Variants in ST8SIA6 observed in about 807,000 individuals in gnomAD.
ST8SIA6 encodes alpha-2,8-sialyltransferase 8F.
In ST8SIA6, 39 loss-of-function variants were observed where a neutral mutation model predicts 33.6. The observed-to-expected ratio is 1.16, with a 90% CI of 0.90 to 1.52. ST8SIA6 has a LOEUF of 1.52. Ranked by LOEUF, ST8SIA6 falls within the 40% of genes most tolerant of loss-of-function variation. The probability of loss-of-function intolerance (pLI) is 0.00; values close to 1 mark genes in which losing one functional copy is unlikely to be tolerated. For synonymous variants in ST8SIA6, 172 were observed against 167.2 expected (o/e 1.03, Z -0.22); for missense variants, 441 against 443.8 (o/e 0.99, Z 0.06).
chr10:17,438,897 ACT>A (rs1429643408), intron 2 of ST8SIA6, among the ~76,000 whole-genome samples: 2 of 152,118 alleles, frequency 1.3e-5, no homozygotes, highest in African/African-American at 4.8e-5. Flanking sequence ...TGTTAGAATA[ACT>A]CTTACCTTTT....
chr10:17,388,947 T>C (rs1275066569), intron 3 of ST8SIA6, among the ~76,000 whole-genome samples: 1 of 152,168 alleles, frequency 6.6e-6, no homozygotes, highest in African/African-American at 2.4e-5. Flanking sequence ...CTCCCCATGT[T>C]GCTCCTGGGG....
intron 4 of ST8SIA6, among the ~76,000 whole-genome samples, chr10:17,348,106 C>T (rs115789370): frequency 0.015 from 2,325 of 151,112 alleles, 64 homozygotes; most frequent in African/African-American, 0.053. Context: ...TAGGTCACTG[C>T]TATTATTGTT....
At chr10:17,357,962 T>C (rs966699165) in intron 4 of ST8SIA6, among the ~76,000 whole-genome samples, 3 of 152,244 alleles carry the variant, frequency 2.0e-5, no homozygotes, top group Admixed American at 2.0e-4. Flanking sequence ...ATTTAGGTTA[T>C]GATTGTGCAA....
intron 4 of ST8SIA6, among the ~76,000 whole-genome samples, chr10:17,353,202 CACTT>C (rs1183372440): frequency 7.0e-6 from 1 of 143,132 alleles, no homozygotes; most frequent in Non-Finnish European, 1.5e-5. Context: ...GCTCACAAAA[CACTT>C]ACCAAAGTCA....
intron 2 of ST8SIA6, among the ~76,000 whole-genome samples, chr10:17,434,616 G>A (rs562676354): frequency 4.6e-5 from 7 of 152,238 alleles, no homozygotes; most frequent in Non-Finnish European, 8.8e-5. Flanking sequence ...GAAACTCAGG[G>A]TGAATGAGGC....
At chr10:17,385,028 T>TTTG (rs1850283203) in intron 3 of ST8SIA6, among the ~76,000 whole-genome samples, 2 of 150,950 alleles carry the variant, frequency 1.3e-5, no homozygotes, top group Non-Finnish European at 3.0e-5. Context: ...TTGTTTGTTT[T>TTTG]TTTGTAAAAT....
At chr10:17,423,349 G>A (rs759627191) in intron 2 of ST8SIA6, among the ~76,000 whole-genome samples, 8 of 152,066 alleles carry the variant, frequency 5.3e-5, no homozygotes, top group African/African-American at 1.7e-4. Context: ...ATCTGTTTTC[G>A]TAGCATCTTA....
rs1847907838 is a variant in ST8SIA6 at position 17,320,508 on chromosome 10, C to G, written c.*370G>C. On this transcript the variant is annotated 3_prime_UTR_variant, in exon 8 of 8. Coordinates refer to ENST00000377602, the MANE Select transcript of ST8SIA6 (RefSeq NM_001004470.3). Reference sequence around the variant, plus strand: ...TGGATACTGGTAATGCAGCTATTCTCTTTAGAAGAGATCTCCAAGAAAGCA... The same window carrying G: ...TGGATACTGGTAATGCAGCTATTCTGTTTAGAAGAGATCTCCAAGAAAGCA... 4.4e-6 allele frequency: 1 copy of G among 226,550 alleles called. No individual in the cohort carries two copies. Among genetic ancestry groups the G allele is most frequent in the Non-Finnish European group, 8.7e-6 (1 of 114,794 alleles). 14.0% of individuals were successfully genotyped at this position (226,550 alleles called of 1,614,324 possible).
intron 2 of ST8SIA6, among the ~76,000 whole-genome samples, chr10:17,432,840 C>G (rs1317375004): frequency 6.6e-6 from 1 of 152,226 alleles, no homozygotes; most frequent in African/African-American, 2.4e-5. Flanking sequence ...AGCGGCCATA[C>G]TTCAACGACT....
At chr10:17,409,116 T>A (rs1013502927) in intron 2 of ST8SIA6, among the ~76,000 whole-genome samples, 14 of 152,314 alleles carry the variant, frequency 9.2e-5, no homozygotes, top group Middle Eastern at 3.4e-3. Context: ...ATACCTTATC[T>A]GTATTCAGTG....
intron 6 of ST8SIA6, among the ~76,000 whole-genome samples, chr10:17,325,703 A>C (rs1848110982): frequency 6.6e-6 from 1 of 152,104 alleles, no homozygotes; most frequent in Non-Finnish European, 1.5e-5. Context: ...ATGACACCAA[A>C]CACGTCTAGC....
intron 3 of ST8SIA6, among the ~76,000 whole-genome samples, chr10:17,369,718 A>G (rs1469970225): frequency 1.3e-5 from 2 of 152,100 alleles, no homozygotes; most frequent in African/African-American, 4.8e-5. Flanking sequence ...TGGTGCTGTT[A>G]TTAGGTGCAT....
chr10:17,337,179 C>T (rs61841858), intron 4 of ST8SIA6, among the ~76,000 whole-genome samples: 3,059 of 152,154 alleles, frequency 0.02, 55 homozygotes, highest in Admixed American at 0.032. Context: ...TAAGAAGAGC[C>T]TGCCACCTCT....
chr10:17,409,268 C>T (rs1588898422), intron 2 of ST8SIA6: 1 of 152,636 alleles, frequency 6.6e-6, no homozygotes, highest in Admixed American at 6.5e-5. Flanking sequence ...CTCTTACAAT[C>T]TGCAAGTCTA....
chr10:17,335,334 A>T (rs1174464763), intron 4 of ST8SIA6, among the ~76,000 whole-genome samples: 1 of 152,214 alleles, frequency 6.6e-6, no homozygotes, highest in African/African-American at 2.4e-5. Flanking sequence ...CACTTCTATT[A>T]TTGGTTTAGT....
intron 3 of ST8SIA6, among the ~76,000 whole-genome samples, chr10:17,362,671 C>T (rs1299732523): frequency 6.6e-6 from 1 of 152,084 alleles, no homozygotes; most frequent in East Asian, 1.9e-4. Flanking sequence ...CAGCACAATC[C>T]CTACGACATG....
Position 17,331,390 on chromosome 10 carries a change from C to G in ST8SIA6, c.522+18G>C. On this transcript the variant is annotated intron_variant, in intron 5 of 7. Coordinates refer to ENST00000377602, the MANE Select transcript of ST8SIA6 (RefSeq NM_001004470.3). ...CTGGAATGGTAACACAAATAACCCACCAGAAACCTTTACTCACCACTGGAA... is the reference window on the plus strand; with the variant it reads ...CTGGAATGGTAACACAAATAACCCAGCAGAAACCTTTACTCACCACTGGAA... 1 of 1,598,102 alleles carries G rather than the reference C, an allele frequency of 6.3e-7. No homozygotes were observed. The highest frequency in any genetic ancestry group is 1.1e-5 in the South Asian group (1 of 87,844).
chr10:17,356,221 A>G (rs1849185196), intron 4 of ST8SIA6, among the ~76,000 whole-genome samples: 1 of 152,014 alleles, frequency 6.6e-6, no homozygotes, highest in Non-Finnish European at 1.5e-5. Flanking sequence ...CCAGCACTCT[A>G]GCAGGAACAA....
chr10:17,327,109 G>A lies in ST8SIA6; in HGVS notation c.540C>T (p.Asp180=). Residue 180 remains aspartate (D), a synonymous_variant, in exon 6 of 8, where the codon GAC becomes GAT. Coordinates refer to ENST00000377602, the MANE Select transcript of ST8SIA6 (RefSeq NM_001004470.3). Reference sequence around the variant, plus strand: ...CCACTGCACACTGATTATAAGGGTAGTCCACAAAAGGCTGGGACTAGCAGG... The same window carrying A: ...CCACTGCACACTGATTATAAGGGTAATCCACAAAAGGCTGGGACTAGCAGG... ...HMFPVSQPFV[D]YPYNQCAVVG... The A allele has an allele frequency of 1.2e-6, 2 of 1,601,908 alleles. No homozygotes were observed. The highest frequency in any genetic ancestry group is 8.5e-7 in the Non-Finnish European group (1 of 1,175,628).
Sources: allele counts gnomAD v4.1 joint callset (sites outside exome capture counted in the v4.1 genomes callset), GRCh38; gene constraint gnomAD v4.1.1; transcripts MANE v1.5; gene names NCBI Gene and HGNC (gene_info 2026-07-23, HGNC 2026-07-21).